DLG2: variants seen among roughly 807,000 people sequenced by gnomAD.
DLG2 encodes disks large homolog 2.
A neutral mutation model predicts 132.5 loss-of-function variants in DLG2; 45 were observed. The ratio of observed to expected loss-of-function variants is 0.34; its 90% CI spans 0.27 to 0.44. DLG2 has a LOEUF of 0.44. Among genes scored for constraint, DLG2 ranks in the 20% least tolerant of loss-of-function variants. The pLI is 1.00. For synonymous variants in DLG2, 424 were observed against 419.6 expected (o/e 1.01, Z -0.13); for missense variants, 1,045 against 1,196.9 (o/e 0.87, Z 1.87).
At chr11:85,082,902 C>G (rs1389340493) in intron 6 of DLG2, among the ~76,000 whole-genome samples, 1 of 151,764 alleles carries the variant, frequency 6.6e-6, no homozygotes, top group Middle Eastern at 3.2e-3. Flanking sequence ...AATTACTGAG[C>G]CATTCTCTAA....
intron 11 of DLG2, among the ~76,000 whole-genome samples, chr11:84,019,755 C>G (rs958962254): frequency 6.6e-6 from 1 of 152,140 alleles, no homozygotes; most frequent in Non-Finnish European, 1.5e-5. Flanking sequence ...TGATTCATCC[C>G]TAAGCCACGG....
At chr11:83,932,712 T>C (rs1250022744) in intron 14 of DLG2, among the ~76,000 whole-genome samples, 1 of 152,194 alleles carries the variant, frequency 6.6e-6, no homozygotes, top group African/African-American at 2.4e-5. Flanking sequence ...TAATTTTTTT[T>C]TTTTTTAGCC....
chr11:83,925,216 C>T (rs993562096), intron 15 of DLG2, among the ~76,000 whole-genome samples: 4 of 152,040 alleles, frequency 2.6e-5, no homozygotes, highest in Non-Finnish European at 4.4e-5. Flanking sequence ...CTCATCACAC[C>T]GTGCCCAAAT....
chr11:84,493,992 G>C (rs1394982082), intron 7 of DLG2, among the ~76,000 whole-genome samples: 4 of 152,150 alleles, frequency 2.6e-5, no homozygotes, highest in Non-Finnish European at 4.4e-5. Context: ...GGATTCAGTT[G>C]ATGTAAGTGA....
chr11:85,238,527 A>C (rs1307317787), intron 4 of DLG2, among the ~76,000 whole-genome samples: 1 of 152,088 alleles, frequency 6.6e-6, no homozygotes, highest in Non-Finnish European at 1.5e-5. Context: ...TACAGGCGTG[A>C]GCCACTGTGT....
At chr11:85,135,834 G>C (rs2076103575) in intron 5 of DLG2, among the ~76,000 whole-genome samples, 1 of 152,140 alleles carries the variant, frequency 6.6e-6, no homozygotes, top group African/African-American at 2.4e-5. Flanking sequence ...GGAAAAGCTA[G>C]CAAAATCCCT....
At chr11:84,859,401 T>TATATACATATATATGTATAC (rs1490716681) in intron 6 of DLG2, among the ~76,000 whole-genome samples, 1 of 145,280 alleles carries the variant, frequency 6.9e-6, no homozygotes, top group South Asian at 2.1e-4. Context: ...TATATATGTA[T>TATATACATATATATGTATAC]ATATACATAT....
intron 6 of DLG2, among the ~76,000 whole-genome samples, chr11:85,106,372 T>A (rs1484592313): frequency 2.0e-5 from 3 of 152,012 alleles, no homozygotes; most frequent in African/African-American, 7.2e-5. Flanking sequence ...TTCCTGCCAG[T>A]CATAGAACAA....
chr11:85,118,734 C>T (rs578782), intron 5 of DLG2, among the ~76,000 whole-genome samples: 98,227 of 151,742 alleles, frequency 0.65, 32,638 homozygotes, highest in East Asian at 0.93. Context: ...CCATGAGGAA[C>T]TGACTGGACC....
At chr11:84,583,786 C>T (rs1047018159) in intron 6 of DLG2, among the ~76,000 whole-genome samples, 47 of 152,124 alleles carry the variant, frequency 3.1e-4, no homozygotes, top group African/African-American at 1.1e-3. Context: ...AAATGTGCTT[C>T]TTTTTGACCT....
At chr11:84,866,670 A>T (rs1409352286) in intron 6 of DLG2, among the ~76,000 whole-genome samples, 1 of 152,242 alleles carries the variant, frequency 6.6e-6, no homozygotes, top group Non-Finnish European at 1.5e-5. Context: ...ATAGTTATGA[A>T]GAAATAGAAG....
rs201987997 is a variant in DLG2 at position 84,463,929 on chromosome 11, T to C, written c.519+70641A>G. On this transcript the variant is annotated intron_variant, in intron 7 of 27. Coordinates refer to ENST00000376104, the MANE Select transcript of DLG2 (RefSeq NM_001142699.3). The stretch of plus-strand genomic sequence containing the variant: ...AGAAGGGGGAATGTAATCCATGTCC[T>C]CTTGCCCTCCACTTCGGGCATAAAC... 2.0e-5 allele frequency among the ~76,000 whole-genome samples: 3 copies of C among 151,392 alleles called. No homozygotes were observed. In the East Asian group the frequency reaches 5.9e-4, roughly 30 times the overall value.
chr11:84,711,938 A>G (rs1472019442), intron 6 of DLG2, among the ~76,000 whole-genome samples: 2 of 152,076 alleles, frequency 1.3e-5, no homozygotes, highest in Admixed American at 1.3e-4. Flanking sequence ...CATTATACTA[A>G]ATGAATATAA....
chr11:85,105,978 G>A lies in DLG2; in HGVS notation c.357+5683C>T, dbSNP rs1418394671. ...CATTCTGGGAAAAAAAGGGTTGGGA[G>A]GAACTACCAAAAAAAGAAAAAAAAA... is the stretch of plus-strand genomic sequence containing the variant. On this transcript the variant is annotated intron_variant, in intron 6 of 27. Transcript: ENST00000376104. Among the ~76,000 whole-genome samples the A allele has an allele frequency of 5.5e-5, 7 of 127,984 alleles. No homozygotes were observed. The East Asian group carries it at 1.5e-3, about 28-fold the overall frequency. The allele number at this position is 127,984 out of a possible 152,430, so 84.0% of individuals were successfully genotyped here.
At chr11:85,474,910 A>C (rs1209795859) in intron 3 of DLG2, among the ~76,000 whole-genome samples, 1 of 151,682 alleles carries the variant, frequency 6.6e-6, no homozygotes, top group Non-Finnish European at 1.5e-5. Flanking sequence ...AGAAAAGAAA[A>C]ATTGTCAAAA....
In DLG2 at chr11:83,705,367, T is replaced by G. The variant is rs2083734778; in HGVS notation, c.1826-72042A>C. On this transcript the variant is annotated intron_variant, in intron 18 of 27. Coordinates refer to ENST00000376104, the MANE Select transcript of DLG2 (RefSeq NM_001142699.3). The stretch of plus-strand genomic sequence containing the variant: ...AGTATCTTTCTGAATATCTGAATTT[T>G]CCATATAGCTGAAGATTAAGACTTC... 2.0e-5 allele frequency among the ~76,000 whole-genome samples: 3 copies of G among 152,356 alleles called. No homozygotes were observed. In the South Asian group the frequency reaches 6.2e-4, roughly 32 times the overall value.
chr11:84,843,898 CTATAA>C (rs1396511314), intron 6 of DLG2, among the ~76,000 whole-genome samples: 1 of 150,780 alleles, frequency 6.6e-6, no homozygotes, highest in African/African-American at 2.4e-5. Flanking sequence ...TTATTTATCT[CTATAA>C]TATTTGTATG....
intron 6 of DLG2, among the ~76,000 whole-genome samples, chr11:84,956,888 T>G (rs535908927): frequency 6.6e-6 from 1 of 152,172 alleles, no homozygotes; most frequent in Non-Finnish European, 1.5e-5. Flanking sequence ...AAGACAGTAG[T>G]CTTCAGAGAG....
intron 7 of DLG2, among the ~76,000 whole-genome samples, chr11:84,309,173 G>C (rs1419789035): frequency 1.3e-5 from 2 of 152,170 alleles, no homozygotes; most frequent in Non-Finnish European, 2.9e-5. Flanking sequence ...TAACAAACCT[G>C]CACATGCACC....
Sources: allele counts gnomAD v4.1 joint callset (sites outside exome capture counted in the v4.1 genomes callset), GRCh38; gene constraint gnomAD v4.1.1; transcripts MANE v1.5; gene names NCBI Gene and HGNC (gene_info 2026-07-23, HGNC 2026-07-21).